The following DMD variants were observed in gnomAD, a reference collection of about 807,000 sequenced individuals.
The protein encoded by DMD is mutant dystrophin.
In DMD, 63 loss-of-function variants were observed where a neutral mutation model predicts 330.1. That is an observed-to-expected ratio of 0.19 (90% CI 0.16 to 0.24). The LOEUF (loss-of-function observed/expected upper bound fraction) is 0.24, where lower values mean the gene tolerates loss of function less well. Ranked by LOEUF, DMD falls within the 10% of genes least tolerant of loss-of-function variation. The pLI is 1.00. For missense variants in DMD, 3,344 were observed against 2,684.1 expected (o/e 1.25, Z -5.43); for synonymous variants, 1,223 against 959.8 (o/e 1.27, Z -5.07).
chrX:32,004,780 CT>C (rs2095649963), intron 44 of DMD, among the ~76,000 whole-genome samples: 1 of 111,369 alleles, frequency 9.0e-6, no homozygotes, highest in Non-Finnish European at 1.9e-5. Flanking sequence ...TGCTCCAAAT[CT>C]TTAATCATTA....
intron 62 of DMD, among the ~76,000 whole-genome samples, chrX:31,287,161 A>G (rs1481300228): frequency 8.9e-6 from 1 of 112,525 alleles, no homozygotes; most frequent in Admixed American, 9.4e-5. Context: ...AGTAACTAAT[A>G]TTGATGGCTA....
chrX:32,404,330 G>A (rs1251002181), intron 30 of DMD, among the ~76,000 whole-genome samples: 5 of 111,576 alleles, frequency 4.5e-5, no homozygotes, highest in East Asian at 2.8e-4. Flanking sequence ...AACACCTGAC[G>A]TCCTAGCTTG....
chrX:31,413,058 GGTTGC>G (rs991379480), intron 60 of DMD, among the ~76,000 whole-genome samples: 1 of 111,688 alleles, frequency 9.0e-6, no homozygotes, highest in African/African-American at 3.3e-5. Flanking sequence ...TCACAATCTT[GGTTGC>G]CCTGCTGTCA....
intron 9 of DMD, among the ~76,000 whole-genome samples, chrX:32,683,736 A>T (rs1485161876): frequency 1.8e-4 from 19 of 106,530 alleles, no homozygotes; most frequent in Admixed American, 1.4e-3. Flanking sequence ...TGGCACATGT[A>T]TACATATGTA....
At chrX:32,639,963 G>A (rs933292038) in intron 11 of DMD, among the ~76,000 whole-genome samples, 3 of 110,254 alleles carry the variant, frequency 2.7e-5, no homozygotes, top group African/African-American at 9.9e-5. Context: ...ACTTTGGGAG[G>A]CCAAGGTGGG....
chrX:33,214,400 C>A (rs950387517), upstream of DMD, among the ~76,000 whole-genome samples: 3 of 111,404 alleles, frequency 2.7e-5, no homozygotes, highest in African/African-American at 9.8e-5. Flanking sequence ...ATTATGAATA[C>A]ATTTTGGAAG....
chrX:33,032,369 T>C (rs1302148915), intron 1 of DMD, among the ~76,000 whole-genome samples: 1 of 112,037 alleles, frequency 8.9e-6, no homozygotes, highest in East Asian at 2.8e-4. Context: ...TTATAAGTCA[T>C]TGAGATTTGG....
At chrX:31,282,270 T>C (rs1442966876) in intron 62 of DMD, among the ~76,000 whole-genome samples, 1 of 112,012 alleles carries the variant, frequency 8.9e-6, no homozygotes, top group South Asian at 3.6e-4. Flanking sequence ...TCAAATGTAA[T>C]GACGTGTGCA....
intron 7 of DMD, among the ~76,000 whole-genome samples, chrX:32,762,902 A>AG (rs779623456): frequency 5.4e-5 from 6 of 112,067 alleles, no homozygotes; most frequent in Non-Finnish European, 3.8e-5. Flanking sequence ...CTGCTTAGGA[A>AG]GTTACTGCAA....
chrX:32,452,190 G>A (rs915621457), intron 26 of DMD, among the ~76,000 whole-genome samples: 1 of 106,080 alleles, frequency 9.4e-6, no homozygotes, highest in African/African-American at 3.4e-5. Flanking sequence ...ATCTACTTAC[G>A]GATCTGAGGT....
intron 67 of DMD, among the ~76,000 whole-genome samples, chrX:31,195,229 A>G (rs180743082): frequency 9.0e-6 from 1 of 111,662 alleles, no homozygotes; most frequent in East Asian, 2.8e-4. Flanking sequence ...ACAATAACAC[A>G]TGGTGATTAT....
At chrX:31,647,505 C>A (rs2080175384) in intron 54 of DMD, among the ~76,000 whole-genome samples, 1 of 111,957 alleles carries the variant, frequency 8.9e-6, no homozygotes, top group African/African-American at 3.2e-5. Flanking sequence ...GATTATTATT[C>A]ATCTAATTTG....
rs187455369 is a variant in DMD at position 32,649,283 on chromosome X, G to A, written c.961-4131C>T. On this transcript the variant is annotated intron_variant, in intron 9 of 78. Coordinates refer to ENST00000357033, the MANE Select transcript of DMD (RefSeq NM_004006.3). The stretch of plus-strand genomic sequence containing the variant: ...AAAAAAGGTGGAAGAGGCCGGGTGC[G>A]GTGGCTCAGACCTGTAATCCCAGCA... Among the ~76,000 whole-genome samples the A allele has an allele frequency of 1.9e-3, 212 of 110,233 alleles. 2 individuals carry two copies. The highest frequency in any genetic ancestry group is 1.6e-3 in the Non-Finnish European group (83 of 52,841).
chrX:32,174,957 A>G (rs1191899626), intron 44 of DMD, among the ~76,000 whole-genome samples: 1 of 111,745 alleles, frequency 8.9e-6, no homozygotes, highest in Non-Finnish European at 1.9e-5. Flanking sequence ...AAACTTTGAA[A>G]AGATTTATTT....
chrX:31,797,464 TAATA>T (rs2091881635), intron 50 of DMD, among the ~76,000 whole-genome samples: 1 of 111,981 alleles, frequency 8.9e-6, no homozygotes, highest in Non-Finnish European at 1.9e-5. Flanking sequence ...GCAAAACAGT[TAATA>T]AATAAAATCT....
intron 21 of DMD, among the ~76,000 whole-genome samples, chrX:32,477,825 GTGC>G (rs2041397869): frequency 9.0e-6 from 1 of 111,200 alleles, no homozygotes. Flanking sequence ...AGACGTAACT[GTGC>G]CAACCAATAA....
At chrX:33,176,210 C>T (rs2049639318) in intron 1 of DMD, among the ~76,000 whole-genome samples, 1 of 111,416 alleles carries the variant, frequency 9.0e-6, no homozygotes, top group African/African-American at 3.3e-5. Context: ...ATGAGTAACT[C>T]TGTTACCTAG....
intron 43 of DMD, among the ~76,000 whole-genome samples, chrX:32,277,929 C>A (rs1303006816): frequency 9.1e-6 from 1 of 109,609 alleles, no homozygotes; most frequent in Non-Finnish European, 1.9e-5. Context: ...CAAATCGAAC[C>A]CAAAATTAGT....
Position 32,342,075 on chromosome X carries a change from C to A in DMD, c.5922+25G>T, listed in dbSNP as rs1407881333. 2.5e-6 allele frequency: 3 copies of A among 1,191,241 alleles called. No homozygotes were observed. The African/African-American group carries it at 5.3e-5, about 21-fold the overall frequency. On this transcript the variant is annotated intron_variant, in intron 41 of 78. Coordinates refer to ENST00000357033, the MANE Select transcript of DMD (RefSeq NM_004006.3). ...ATAGAGTAGTAGTTGCAAACACATA[C>A]GTGGGTTTGCCAGTAACAACTCACA...
Sources: gnomAD v4.1 joint callset for allele counts (sites outside exome capture counted in the v4.1 genomes callset) on GRCh38, gnomAD v4.1.1 for gene constraint, MANE v1.5 for transcripts, NCBI Gene and HGNC (gene_info 2026-07-23, HGNC 2026-07-21) for gene names.